CTNNA3: variants seen among roughly 807,000 people sequenced by gnomAD.
CTNNA3 encodes catenin alpha 3, also known as catenin alpha-3.
In CTNNA3, 76 loss-of-function variants were observed where a neutral mutation model predicts 95.7. The observed-to-expected ratio is 0.79, with a 90% CI of 0.66 to 0.96. The LOEUF is 0.96. Among genes scored for constraint, CTNNA3 ranks in the 40% least tolerant of loss-of-function variants. CTNNA3 has a pLI of 0.00. For missense variants in CTNNA3, 1,191 were observed against 1,089.8 expected (o/e 1.09, Z -1.31); for synonymous variants, 431 against 374.4 (o/e 1.15, Z -1.74).
At chr10:67,707,779 A>T (rs887887384) in intron 1 of CTNNA3, among the ~76,000 whole-genome samples, 1 of 152,186 alleles carries the variant, frequency 6.6e-6, no homozygotes, top group African/African-American at 2.4e-5. Flanking sequence ...TGAAAGTTAC[A>T]TTCACCTTGA....
intron 11 of CTNNA3, among the ~76,000 whole-genome samples, chr10:66,382,264 G>A (rs2092846428): frequency 1.3e-5 from 2 of 152,202 alleles, no homozygotes; most frequent in Admixed American, 1.3e-4. Flanking sequence ...GCAACCAGCA[G>A]AAAAGGTGAT....
At chr10:67,315,817 T>A (rs1841024699) in intron 5 of CTNNA3, among the ~76,000 whole-genome samples, 1 of 152,160 alleles carries the variant, frequency 6.6e-6, no homozygotes, top group African/African-American at 2.4e-5. Context: ...ATGTTTGTTA[T>A]TTTTTCATCT....
chr10:67,582,630 C>T (rs910711399), intron 3 of CTNNA3, among the ~76,000 whole-genome samples: 8 of 150,918 alleles, frequency 5.3e-5, no homozygotes, highest in African/African-American at 1.2e-4. Flanking sequence ...CTTTCTGTCT[C>T]GTTGATCTGT....
At chr10:67,216,872 C>A (rs1052970165) in intron 6 of CTNNA3, among the ~76,000 whole-genome samples, 2 of 152,134 alleles carry the variant, frequency 1.3e-5, no homozygotes, top group South Asian at 2.1e-4. Flanking sequence ...TTTCAAAATT[C>A]TCTTAATCTA....
intron 11 of CTNNA3, among the ~76,000 whole-genome samples, chr10:66,425,687 T>TAC (rs71035140): frequency 6.6e-6 from 1 of 151,230 alleles, no homozygotes; most frequent in African/African-American, 2.4e-5. Flanking sequence ...TATATATATA[T>TAC]ACACACACAC....
intron 15 of CTNNA3, among the ~76,000 whole-genome samples, chr10:66,022,374 GAGA>G (rs1275981153): frequency 1.3e-5 from 2 of 152,128 alleles, no homozygotes; most frequent in Non-Finnish European, 2.9e-5. Context: ...GTACAAGGTT[GAGA>G]AGGACTTCAT....
At chr10:66,828,736 A>T (rs1842603999) in intron 7 of CTNNA3, among the ~76,000 whole-genome samples, 1 of 152,212 alleles carries the variant, frequency 6.6e-6, no homozygotes, top group South Asian at 2.1e-4. Context: ...TTTTTACTGC[A>T]CTATTCCAGA....
intron 13 of CTNNA3, among the ~76,000 whole-genome samples, chr10:66,137,879 G>A (rs1198200413): frequency 1.3e-5 from 2 of 152,106 alleles, no homozygotes; most frequent in Non-Finnish European, 2.9e-5. Flanking sequence ...GAGTCCAGGA[G>A]GTGGAGGTTG....
intron 9 of CTNNA3, among the ~76,000 whole-genome samples, chr10:66,626,152 C>T (rs906481960): frequency 2.0e-5 from 3 of 151,990 alleles, no homozygotes; most frequent in African/African-American, 7.2e-5. Flanking sequence ...ATCTCAGGGG[C>T]ACTGGTAGTG....
At chr10:67,062,982 T>C (rs548626196) in intron 7 of CTNNA3, among the ~76,000 whole-genome samples, 5 of 152,180 alleles carry the variant, frequency 3.3e-5, no homozygotes, top group African/African-American at 7.2e-5. Flanking sequence ...TGTTTTTTTT[T>C]CTGATCGTTG....
chr10:66,576,128 T>C (rs1842996034), intron 10 of CTNNA3, among the ~76,000 whole-genome samples: 1 of 152,048 alleles, frequency 6.6e-6, no homozygotes, highest in Middle Eastern at 3.2e-3. Flanking sequence ...CCACAGATGG[T>C]GGCATTAATA....
chr10:66,379,091 T>C, intron 12 of CTNNA3, 61 bp downstream of exon 12: 2 of 1,347,700 alleles, frequency 1.5e-6, no homozygotes, highest in Non-Finnish European at 2.1e-6. Flanking sequence ...TGTATGAATA[T>C]TCGTAGCTAT....
At chr10:67,235,410 G>C (rs1201002884) in intron 5 of CTNNA3, among the ~76,000 whole-genome samples, 1 of 152,096 alleles carries the variant, frequency 6.6e-6, no homozygotes, top group Non-Finnish European at 1.5e-5. Context: ...ACAAACAATG[G>C]GGAAAGTATT....
At chr10:67,575,804 T>C (rs1842123322) in intron 3 of CTNNA3, among the ~76,000 whole-genome samples, 1 of 152,182 alleles carries the variant, frequency 6.6e-6, no homozygotes. Flanking sequence ...TCAGCTACTG[T>C]TGGCTCCCCT....
intron 13 of CTNNA3, among the ~76,000 whole-genome samples, chr10:66,188,595 CTGTG>C (rs71035114): frequency 0.027 from 3,268 of 121,024 alleles, 55 homozygotes; most frequent in African/African-American, 0.034. Flanking sequence ...GGGGGGGTCT[CTGTG>C]TGTGTGTGTG....
intron 7 of CTNNA3, among the ~76,000 whole-genome samples, chr10:66,881,598 A>T (rs1206321273): frequency 6.6e-6 from 1 of 152,100 alleles, no homozygotes; most frequent in Non-Finnish European, 1.5e-5. Context: ...GGTGCTTGTC[A>T]TCTAATGTGC....
At chr10:66,904,174 A>G (rs1388780102) in intron 7 of CTNNA3, among the ~76,000 whole-genome samples, 1 of 152,198 alleles carries the variant, frequency 6.6e-6, no homozygotes, top group Non-Finnish European at 1.5e-5. Flanking sequence ...CAAAACAGAT[A>G]TATAGACCAA....
At chr10:67,211,225 A>C (rs1864125792) in intron 6 of CTNNA3, among the ~76,000 whole-genome samples, 1 of 152,124 alleles carries the variant, frequency 6.6e-6, no homozygotes, top group Non-Finnish European at 1.5e-5. Context: ...ATTTGTTTTT[A>C]AAAACTTGCT....
chr10:66,499,068 T>C (rs1043700247), intron 11 of CTNNA3, among the ~76,000 whole-genome samples: 1 of 152,172 alleles, frequency 6.6e-6, no homozygotes, highest in African/African-American at 2.4e-5. Context: ...AATCCACAGT[T>C]GTCGGTTCTT....
Sources: gnomAD v4.1 joint callset for allele counts (sites outside exome capture counted in the v4.1 genomes callset) on GRCh38, gnomAD v4.1.1 for gene constraint, MANE v1.5 for transcripts, NCBI Gene and HGNC (gene_info 2026-07-23, HGNC 2026-07-21) for gene names.